TLN2: variants seen among roughly 807,000 people sequenced by gnomAD.
TLN2 encodes the protein talin 2.
TLN2 carries 118 observed loss-of-function variants against 294.7 expected under a neutral mutation model. That is an observed-to-expected ratio of 0.40 (90% CI 0.34 to 0.47). TLN2 has a LOEUF of 0.47. Among genes scored for constraint, TLN2 ranks in the 20% least tolerant of loss-of-function variants. The probability of loss-of-function intolerance (pLI) is 0.84; values close to 1 mark genes in which losing one functional copy is unlikely to be tolerated. For missense variants in TLN2, 3,083 were observed against 3,282.2 expected (o/e 0.94, Z 1.48); for synonymous variants, 1,431 against 1,304.5 (o/e 1.10, Z -2.09).
chr15:62,792,320 A>G (rs972765131), intron 45 of TLN2, among the ~76,000 whole-genome samples: 1 of 152,216 alleles, frequency 6.6e-6, no homozygotes, highest in South Asian at 2.1e-4. Flanking sequence ...TTATCCCACA[A>G]AGTTCCTCTA....
At chr15:62,709,395 C>T (rs531402874) in intron 21 of TLN2, among the ~76,000 whole-genome samples, 1 of 152,234 alleles carries the variant, frequency 6.6e-6, no homozygotes, top group African/African-American at 2.4e-5. Context: ...GGGTGATCCA[C>T]GCAGAGGAGC....
rs139861674 is a variant in TLN2 at position 62,411,601 on chromosome 15, A to G, written c.-238+20916A>G. Among the ~76,000 whole-genome samples, 667 of 152,030 alleles carry G rather than the reference A, an allele frequency of 4.4e-3. 4 individuals carry two copies. The highest frequency in any genetic ancestry group is 0.015 in the African/African-American group (634 of 41,420). ...TGGAGGGCTCTGCAGGGTTTTGCCC[A>G]TTGAGGTTGAGGTTGGAGCAGAGCT... On this transcript the variant is annotated intron_variant, in intron 1 of 58. Coordinates refer to ENST00000636159, the MANE Select transcript of TLN2 (RefSeq NM_015059.3).
intron 1 of TLN2, among the ~76,000 whole-genome samples, chr15:62,518,463 C>G (rs1037443480): frequency 1.3e-5 from 2 of 152,174 alleles, no homozygotes; most frequent in Non-Finnish European, 2.9e-5. Context: ...TTTGGTATGA[C>G]TTTAAACTTG....
At chr15:62,442,802 A>G (rs1163058112) in intron 1 of TLN2, among the ~76,000 whole-genome samples, 2 of 152,326 alleles carry the variant, frequency 1.3e-5, no homozygotes, top group African/African-American at 4.8e-5. Context: ...CTTAGGTTCT[A>G]GAGTTCAGAA....
chr15:62,595,086 A>G (rs867867141), intron 2 of TLN2, among the ~76,000 whole-genome samples: 3 of 152,202 alleles, frequency 2.0e-5, no homozygotes, highest in African/African-American at 7.2e-5. Context: ...TAAAACCACA[A>G]TGAGATAGTA....
intron 55 of TLN2, chr15:62,834,382 C>T (rs1419028126): frequency 6.6e-6 from 1 of 152,078 alleles, no homozygotes; most frequent in Non-Finnish European, 1.5e-5. Context: ...AATGTGGTCA[C>T]CATCATTGTC....
At chr15:62,665,878 C>T (rs1461840374) in intron 9 of TLN2, among the ~76,000 whole-genome samples, 1 of 152,196 alleles carries the variant, frequency 6.6e-6, no homozygotes, top group Non-Finnish European at 1.5e-5. Flanking sequence ...CATCCTCCCA[C>T]TAAATTAAAA....
chr15:62,737,158 T>C, intron 29 of TLN2, 72 bp downstream of exon 29: 1 of 1,528,172 alleles, frequency 6.5e-7, no homozygotes, highest in Non-Finnish European at 9.0e-7. Context: ...GGCTGTCTCC[T>C]GGGCACTTTT....
intron 1 of TLN2, among the ~76,000 whole-genome samples, chr15:62,488,430 G>T (rs1297014593): frequency 2.0e-5 from 3 of 152,300 alleles, no homozygotes; most frequent in African/African-American, 7.2e-5. Flanking sequence ...GATGAGAATT[G>T]TTGGTAAGAC....
At chr15:62,391,203 G>GCCGAGGCT (rs2032053985) in intron 1 of TLN2, among the ~76,000 whole-genome samples, 1 of 152,250 alleles carries the variant, frequency 6.6e-6, no homozygotes, top group Non-Finnish European at 1.5e-5. Context: ...CAAGTCTCCC[G>GCCGAGGCT]CCGAGGCTCT....
intron 53 of TLN2, 123 bp downstream of exon 53, chr15:62,819,744 C>T: frequency 1.3e-6 from 1 of 764,906 alleles, no homozygotes; most frequent in African/African-American, 1.7e-5. Context: ...GCCAGGAATA[C>T]AGTGAGGACT....
chr15:62,557,584 C>T (rs1241759781), intron 1 of TLN2, among the ~76,000 whole-genome samples: 1 of 152,220 alleles, frequency 6.6e-6, no homozygotes, highest in African/African-American at 2.4e-5. Flanking sequence ...GGGAACACTG[C>T]AGTGGCGTGA....
chr15:62,740,849 A>G, intron 32 of TLN2, 80 bp downstream of exon 32: 1 of 1,575,254 alleles, frequency 6.3e-7, no homozygotes, highest in Non-Finnish European at 8.6e-7. Context: ...ACATCCTCCC[A>G]CTTTTGCTGA....
intron 1 of TLN2, among the ~76,000 whole-genome samples, chr15:62,456,758 G>A (rs1341093355): frequency 6.6e-6 from 1 of 152,202 alleles, no homozygotes; most frequent in Non-Finnish European, 1.5e-5. Flanking sequence ...GAGACTACAA[G>A]TACAAAGGCT....
At chr15:62,453,891 G>A (rs16945077) in intron 1 of TLN2, 4,665 of 155,378 alleles carry the variant, frequency 0.03, 260 homozygotes, top group African/African-American at 0.11. Flanking sequence ...CTCAGGGTTT[G>A]CAAACAGTGT....
Position 62,836,027 on chromosome 15 carries a change from G to A in TLN2, c.7328G>A (p.Cys2443Tyr). Residue 2443 changes from cysteine to tyrosine, a missense_variant, in exon 57 of 59, where the codon TGC (cysteine) becomes TAC (tyrosine). Transcript: ENST00000636159. ...TCCACGGCTCAGCTGCTGGTGGCCT[G>A]CAAGGTGAAGGCCGACCAGGATTCA... Reference protein sequence around the residue: ...AASTAQLLVACKVKADQDSEA... With the variant: ...AASTAQLLVAYKVKADQDSEA... 6.2e-7 allele frequency: 1 copy of A among 1,612,742 alleles called. No individual in the cohort carries two copies. The highest frequency in any genetic ancestry group is 8.5e-7 in the Non-Finnish European group (1 of 1,179,436).
intron 45 of TLN2, among the ~76,000 whole-genome samples, chr15:62,789,775 A>G (rs973863236): frequency 6.6e-6 from 1 of 152,244 alleles, no homozygotes; most frequent in African/African-American, 2.4e-5. Flanking sequence ...CTCTTCTAGC[A>G]TCATGGTTTC....
chr15:62,400,676 G>A (rs2032949959), intron 1 of TLN2, among the ~76,000 whole-genome samples: 1 of 152,080 alleles, frequency 6.6e-6, no homozygotes, highest in African/African-American at 2.4e-5. Flanking sequence ...GAATAATATG[G>A]TGACCAGATG....
At position 62,752,444 on chromosome 15, in the gene TLN2, G is replaced by T. The variant is rs754459320; in HGVS notation, c.4332+17G>T. The T allele has an allele frequency of 6.2e-7, 1 of 1,613,558 alleles. No homozygotes were observed. Among genetic ancestry groups the T allele is most frequent in the Non-Finnish European group, 8.5e-7 (1 of 1,179,770 alleles). On this transcript the variant is annotated intron_variant, in intron 35 of 58. Transcript: ENST00000636159. ...GCAGCCCAGGTAAGGGGCTAGTCCCGATGCAGCCATGTGCCCTGTGCCAGA... is the reference window on the plus strand; with the variant it reads ...GCAGCCCAGGTAAGGGGCTAGTCCCTATGCAGCCATGTGCCCTGTGCCAGA...
Sources: allele counts gnomAD v4.1 joint callset (sites outside exome capture counted in the v4.1 genomes callset), GRCh38; gene constraint gnomAD v4.1.1; transcripts MANE v1.5; gene names NCBI Gene and HGNC (gene_info 2026-07-23, HGNC 2026-07-21).